The following FAM120B variants were observed in gnomAD, a reference collection of about 807,000 sequenced individuals.
The protein encoded by FAM120B is constitutive coactivator of peroxisome proliferator-activated receptor gamma.
FAM120B carries 83 observed loss-of-function variants against 96.3 expected under a neutral mutation model. The ratio of observed to expected loss-of-function variants is 0.86; its 90% CI spans 0.72 to 1.03. FAM120B has a LOEUF of 1.03. FAM120B is among the 50% of genes least tolerant of loss of function. The pLI is 0.00. For missense variants in FAM120B, 1,027 were observed against 1,121.2 expected, an observed-to-expected ratio of 0.92 and a Z score of 1.20; for synonymous variants, 407 against 402.7, an observed-to-expected ratio of 1.01 and a Z score of -0.13.
chr6:170,313,264 C>A (rs1784702492), intron 1 of FAM120B, among the ~76,000 whole-genome samples: 1 of 152,138 alleles, frequency 6.6e-6, no homozygotes, highest in Non-Finnish European at 1.5e-5. Context: ...TGTTCTCACC[C>A]AACTGGTGTT....
intron 1 of FAM120B, among the ~76,000 whole-genome samples, chr6:170,299,114 T>C (rs1035021083): frequency 5.3e-5 from 8 of 152,230 alleles, no homozygotes; most frequent in Non-Finnish European, 1.0e-4. Context: ...GGATTGCTAT[T>C]TCCTCCTTAA....
chr6:170,359,138 C>G (rs1031443010), intron 6 of FAM120B, among the ~76,000 whole-genome samples: 1 of 152,152 alleles, frequency 6.6e-6, no homozygotes, highest in Non-Finnish European at 1.5e-5. Context: ...CAGTGGCTCA[C>G]GCCTGTCATC....
intron 9 of FAM120B, among the ~76,000 whole-genome samples, chr6:170,399,207 G>A (rs1778391945): frequency 6.8e-6 from 1 of 147,628 alleles, no homozygotes; most frequent in African/African-American, 2.6e-5. Context: ...TTAGAAGTGA[G>A]TGGGAAAGGT....
At chr6:170,369,251 C>G (rs1050130247) in intron 6 of FAM120B, among the ~76,000 whole-genome samples, 1 of 152,122 alleles carries the variant, frequency 6.6e-6, no homozygotes, top group Non-Finnish European at 1.5e-5. Flanking sequence ...AGTATTTATC[C>G]AGAATTTTCA....
intron 6 of FAM120B, among the ~76,000 whole-genome samples, chr6:170,372,161 C>T (rs1316828761): frequency 5.9e-5 from 9 of 152,038 alleles, no homozygotes; most frequent in Non-Finnish European, 8.8e-5. Context: ...GAACATGGTT[C>T]ATGCGGTCTG....
chr6:170,296,008 C>A (rs1275450860), intron 1 of FAM120B, among the ~76,000 whole-genome samples: 2 of 152,138 alleles, frequency 1.3e-5, no homozygotes, highest in South Asian at 2.1e-4. Context: ...GCTCCTTCCC[C>A]TGGAACCCGC....
intron 9 of FAM120B, among the ~76,000 whole-genome samples, chr6:170,397,876 G>A (rs997910065): frequency 6.6e-5 from 10 of 152,216 alleles, no homozygotes; most frequent in Non-Finnish European, 1.2e-4. Context: ...GGGGAGGGAA[G>A]AGCCACAGCC....
chr6:170,355,769 A>G (rs1787905522), intron 5 of FAM120B, among the ~76,000 whole-genome samples: 1 of 152,224 alleles, frequency 6.6e-6, no homozygotes, highest in South Asian at 2.1e-4. Context: ...TTGATATTAT[A>G]TGTTAAATAT....
intron 6 of FAM120B, among the ~76,000 whole-genome samples, chr6:170,386,189 G>A (rs1349466097): frequency 1.3e-5 from 2 of 152,140 alleles, no homozygotes; most frequent in Non-Finnish European, 2.9e-5. Flanking sequence ...GGCGGGTGGA[G>A]GCACTGATCT....
intron 5 of FAM120B, among the ~76,000 whole-genome samples, chr6:170,356,151 T>G (rs1021319324): frequency 1.3e-5 from 2 of 152,160 alleles, no homozygotes; most frequent in Non-Finnish European, 1.5e-5. Flanking sequence ...CCTGTTTATA[T>G]AAGCCTGAAG....
At chr6:170,291,126 C>A, upstream of FAM120B, 1 of 532,766 alleles carries the variant, frequency 1.9e-6, no homozygotes, top group Admixed American at 2.3e-5. Flanking sequence ...CCTTCCCCGC[C>A]CCCCCAGTCC....
At chr6:170,342,031 A>T (rs1039280145) in intron 4 of FAM120B, among the ~76,000 whole-genome samples, 1 of 152,224 alleles carries the variant, frequency 6.6e-6, no homozygotes, top group Non-Finnish European at 1.5e-5. Flanking sequence ...CTGAGGAGCA[A>T]GGAGAGCCAG....
In FAM120B at chr6:170,358,297, C is replaced by T. The variant is rs1318270974; in HGVS notation, c.2262C>T (p.Thr754=). Residue 754 remains threonine, a synonymous_variant, in exon 6 of 11, where the codon ACC becomes ACT. Transcript: ENST00000476287. Reference sequence around the variant, plus strand: ...CCTTGTGCCTCCAAGGAAAATCCACCTCGCAGCTTGTAAATCTACAGGTAC... The same window carrying T: ...CCTTGTGCCTCCAAGGAAAATCCACTTCGCAGCTTGTAAATCTACAGGTAC... The part of the protein sequence containing the change: ...AQALCLQGKS[T]SQLVNLQPDY... The T allele has an allele frequency of 9.3e-6, 15 of 1,605,948 alleles. No individual in the cohort carries two copies. Among genetic ancestry groups the T allele is most frequent in the Non-Finnish European group, 1.3e-5 (15 of 1,174,684 alleles).
chr6:170,353,638 G>A (rs983272056), intron 5 of FAM120B, among the ~76,000 whole-genome samples: 1 of 151,598 alleles, frequency 6.6e-6, no homozygotes, highest in Non-Finnish European at 1.5e-5. Context: ...ACCAACAACA[G>A]GAAAGCAAAT....
upstream of FAM120B, among the ~76,000 whole-genome samples, chr6:170,291,548 C>A (rs1783873292): frequency 6.6e-6 from 1 of 151,356 alleles, no homozygotes; most frequent in South Asian, 2.1e-4. Context: ...GGTGGCGATT[C>A]GGGGAGCATC....
At chr6:170,306,344 G>A (rs1473929859), upstream of FAM120B, among the ~76,000 whole-genome samples, 1 of 152,016 alleles carries the variant, frequency 6.6e-6, no homozygotes, top group Non-Finnish European at 1.5e-5. Flanking sequence ...CCCGGCCTCA[G>A]GGCCACCCGC....
At chr6:170,353,472 C>T (rs1172131139) in intron 5 of FAM120B, among the ~76,000 whole-genome samples, 1 of 152,104 alleles carries the variant, frequency 6.6e-6, no homozygotes, top group Non-Finnish European at 1.5e-5. Flanking sequence ...GGCCAATATC[C>T]TTGATGAACA....
At chr6:170,307,068 C>G (rs949710422) in intron 1 of FAM120B, among the ~76,000 whole-genome samples, 3 of 152,264 alleles carry the variant, frequency 2.0e-5, no homozygotes, top group Admixed American at 2.0e-4. Context: ...GCGCAGAACC[C>G]TCCTGCCGAG....
In FAM120B at chr6:170,405,874, C is replaced by T. The variant is rs918927397; in HGVS notation, c.*1123C>T. 6.6e-6 allele frequency: 1 copy of T among 152,204 alleles called. No individual in the cohort carries two copies. The highest frequency in any genetic ancestry group is 6.5e-5 in the Admixed American group (1 of 15,272). The allele number at this position is 152,204 out of a possible 1,614,324, so 9.4% of individuals were successfully genotyped here. On this transcript the variant is annotated 3_prime_UTR_variant, in exon 11 of 11. Transcript: ENST00000476287. Reference sequence around the variant, plus strand: ...GCCTGTGAAGACAAGCCTGGCCCTCCATCCAGTCACACAGGAAATCCACAG... The same window carrying T: ...GCCTGTGAAGACAAGCCTGGCCCTCTATCCAGTCACACAGGAAATCCACAG...
Sources: gnomAD v4.1 joint callset for allele counts (sites outside exome capture counted in the v4.1 genomes callset) on GRCh38, gnomAD v4.1.1 for gene constraint, MANE v1.5 for transcripts, NCBI Gene and HGNC (gene_info 2026-07-23, HGNC 2026-07-21) for gene names.